The following GXYLT2 variants were observed in gnomAD, a reference collection of about 807,000 sequenced individuals.
GXYLT2 encodes glycosyltransferase 8 domain containing 4.
Under a neutral mutation model 45.8 loss-of-function variants are expected in GXYLT2, and 53 were observed. The observed-to-expected ratio is 1.16, with a 90% CI of 0.93 to 1.46. GXYLT2 has a LOEUF of 1.46. Among genes scored for constraint, GXYLT2 ranks in the 40% most tolerant of loss-of-function variants. The pLI is 0.00. For synonymous variants in GXYLT2, 219 were observed against 214.2 expected, an observed-to-expected ratio of 1.02 and a Z score of -0.19; for missense variants, 551 against 544.4, an observed-to-expected ratio of 1.01 and a Z score of -0.12.
chr3:72,932,554 C>T lies in GXYLT2; in HGVS notation c.600+10219C>T, dbSNP rs182099256. ...ATTGGCTTGACTTGAATCACATTCT[C>T]CTCCATGGGCCACAGGGGCCAACAA... is the stretch of plus-strand genomic sequence containing the variant. On this transcript the variant is annotated intron_variant, in intron 3 of 6. Transcript: ENST00000389617. 1.5e-3 allele frequency among the ~76,000 whole-genome samples: 226 copies of T among 152,316 alleles called. 1 individual carries two copies. The highest frequency in any genetic ancestry group is 2.0e-3 in the Non-Finnish European group (133 of 68,024).
chr3:72,921,131 AT>A lies in GXYLT2; in HGVS notation c.469-1067del, dbSNP rs1303304066. Among the ~76,000 whole-genome samples the A allele has an allele frequency of 5.9e-5, 9 of 151,802 alleles. No individual in the cohort carries two copies. The East Asian group carries it at 1.7e-3, about 29-fold the overall frequency. ...CCACCACGCCCGGCCTCATGCATATATTTTTTCCTATAAGACAGAACCATTC... is the reference window on the plus strand; with the variant it reads ...CCACCACGCCCGGCCTCATGCATATATTTTTCCTATAAGACAGAACCATTC... On this transcript the variant is annotated intron_variant, in intron 2 of 6. Transcript: ENST00000389617.
rs576730824 is a variant in GXYLT2 at position 72,940,936 on chromosome 3, T to A, written c.601-14162T>A. ...CTCAAGCAATACTCCCACCTCGGTC[T>A]CCCAAAGTGCTGGGATTACAGGCAT... On this transcript the variant is annotated intron_variant, in intron 3 of 6. Coordinates refer to ENST00000389617, the MANE Select transcript of GXYLT2 (RefSeq NM_001080393.2). 1.3e-4 allele frequency among the ~76,000 whole-genome samples: 20 copies of A among 152,278 alleles called. No individual in the cohort carries two copies. In the South Asian group the frequency reaches 4.1e-3, roughly 32 times the overall value.
intron 5 of GXYLT2, among the ~76,000 whole-genome samples, chr3:72,958,736 A>T (rs1459141086): frequency 6.7e-6 from 1 of 149,818 alleles, no homozygotes; most frequent in Non-Finnish European, 1.5e-5. Context: ...GGTTCCGGTA[A>T]TTCTTCTGCC....
At chr3:72,929,497 G>A in intron 3 of GXYLT2, 1 of 1,466,842 alleles carries the variant, frequency 6.8e-7, no homozygotes, top group Admixed American at 1.7e-5. Flanking sequence ...GAATTGGGTG[G>A]CCACGTGACC....
chr3:72,914,537 GT>G (rs1377316690), intron 2 of GXYLT2, among the ~76,000 whole-genome samples: 9 of 151,490 alleles, frequency 5.9e-5, no homozygotes, highest in African/African-American at 2.2e-4. Flanking sequence ...ATGTGTGTGT[GT>G]GTGTGTGTGC....
At chr3:72,888,619 C>G in intron 1 of GXYLT2, 111 bp downstream of exon 1, 1 of 761,034 alleles carries the variant, frequency 1.3e-6, no homozygotes, top group Non-Finnish European at 1.6e-6. Flanking sequence ...CCAAGTTTCA[C>G]CCACGGGCTG....
At chr3:72,904,544 C>G (rs1363663173) in intron 1 of GXYLT2, among the ~76,000 whole-genome samples, 1 of 151,938 alleles carries the variant, frequency 6.6e-6, no homozygotes, top group Non-Finnish European at 1.5e-5. Context: ...CGTCCCTAGC[C>G]CCTGCTTTTT....
intron 2 of GXYLT2, among the ~76,000 whole-genome samples, chr3:72,913,596 G>A (rs1709678106): frequency 6.6e-6 from 1 of 152,026 alleles, no homozygotes; most frequent in South Asian, 2.1e-4. Context: ...TCGGGAGTCT[G>A]AGGCATGAGA....
intron 3 of GXYLT2, among the ~76,000 whole-genome samples, chr3:72,924,562 T>A (rs1709884929): frequency 6.6e-6 from 1 of 152,108 alleles, no homozygotes; most frequent in African/African-American, 2.4e-5. Flanking sequence ...GCAAGTGGCA[T>A]GTTCTAACTT....
intron 2 of GXYLT2, among the ~76,000 whole-genome samples, chr3:72,915,354 T>TTTTTTGGGG (rs71126805): frequency 3.0e-5 from 1 of 33,482 alleles, no homozygotes; most frequent in African/African-American, 1.6e-4. Context: ...TTTTTTTTTT[T>TTTTTTGGGG]GCGGGGGGGG....
intron 3 of GXYLT2, among the ~76,000 whole-genome samples, chr3:72,944,383 T>C (rs1275894338): frequency 1.3e-5 from 2 of 151,716 alleles, no homozygotes; most frequent in Non-Finnish European, 2.9e-5. Context: ...GCCTCCCGAG[T>C]AGCTGGGATT....
chr3:72,965,870 T>G (rs2107153501), intron 5 of GXYLT2, among the ~76,000 whole-genome samples: 1 of 152,326 alleles, frequency 6.6e-6, no homozygotes, highest in Non-Finnish European at 1.5e-5. Context: ...CCTGTGTACA[T>G]ATGTGCACAT....
chr3:72,932,699 T>C (rs1376891633), intron 3 of GXYLT2, among the ~76,000 whole-genome samples: 3 of 152,360 alleles, frequency 2.0e-5, no homozygotes, highest in Admixed American at 6.5e-5. Context: ...TGAATAGTTA[T>C]ATAACATTTC....
intron 4 of GXYLT2, 73 bp from the exon 5 acceptor site, chr3:72,957,156 C>G: frequency 6.8e-7 from 1 of 1,469,840 alleles, no homozygotes; most frequent in Non-Finnish European, 9.2e-7. Flanking sequence ...AAACTAGTCC[C>G]TTTACATTGT....
chr3:72,971,025 T>G (rs1710978308), intron 6 of GXYLT2, among the ~76,000 whole-genome samples: 1 of 152,194 alleles, frequency 6.6e-6, no homozygotes, highest in Non-Finnish European at 1.5e-5. Context: ...TCCTCACATT[T>G]AAATATTCAA....
Position 72,969,332 on chromosome 3 carries a change from G to T in GXYLT2, c.1149+1613G>T, listed in dbSNP as rs190402718. ...CACTTGACCCCAGGAGTTCAAGGCTGCAGTGAGCTATGATTGCACCACTTC... is the reference window on the plus strand; with the variant it reads ...CACTTGACCCCAGGAGTTCAAGGCTTCAGTGAGCTATGATTGCACCACTTC... On this transcript the variant is annotated intron_variant, in intron 6 of 6. Transcript: ENST00000389617. Among the ~76,000 whole-genome samples, 707 of 151,044 alleles carry T rather than the reference G, an allele frequency of 4.7e-3. 7 individuals are homozygous for T. The highest frequency in any genetic ancestry group is 0.016 in the African/African-American group (651 of 41,018).
rs949673903 is a variant in GXYLT2, at chr3:72,921,181, A to T, written c.469-1023A>T. Among the ~76,000 whole-genome samples the T allele has an allele frequency of 2.3e-4, 35 of 149,540 alleles. 1 individual carries two copies. Among genetic ancestry groups the T allele is most frequent in the African/African-American group, 8.5e-4 (35 of 41,060 alleles). On this transcript the variant is annotated intron_variant, in intron 2 of 6. Coordinates refer to ENST00000389617, the MANE Select transcript of GXYLT2 (RefSeq NM_001080393.2). ...TCATTCAGACAGTAGTGAAGAAATA[A>T]AAAAAAAAAAATTTATAGTTTTTTT...
At chr3:72,949,597 C>T (rs948528315) in intron 3 of GXYLT2, among the ~76,000 whole-genome samples, 18 of 149,938 alleles carry the variant, frequency 1.2e-4, no homozygotes, top group East Asian at 5.9e-4. Context: ...CTGCAACCTC[C>T]GCCTCCCGGG....
At chr3:72,928,941 C>T (rs1207844259) in intron 3 of GXYLT2, 5 of 748,946 alleles carry the variant, frequency 6.7e-6, no homozygotes, top group Middle Eastern at 3.5e-4. Context: ...CCGCCCATAG[C>T]CAGTCCTCCG....
Sources: gnomAD v4.1 joint callset for allele counts (sites outside exome capture counted in the v4.1 genomes callset) on GRCh38, gnomAD v4.1.1 for gene constraint, MANE v1.5 for transcripts, NCBI Gene and HGNC (gene_info 2026-07-23, HGNC 2026-07-21) for gene names.